Variants in VAMP7 observed in about 807,000 individuals in gnomAD.
The protein encoded by VAMP7 is vesicle-associated membrane protein 7.
A neutral mutation model predicts 29.6 loss-of-function variants in VAMP7; 14 were observed. The observed-to-expected ratio is 0.47, with a 90% CI of 0.31 to 0.74. The LOEUF (loss-of-function observed/expected upper bound fraction) is 0.74. VAMP7 is among the 30% of genes least tolerant of loss of function. The pLI, the probability that VAMP7 is intolerant of heterozygous loss-of-function variation, is 0.05. For synonymous variants in VAMP7, 95 were observed against 88.1 expected (o/e 1.08, Z -0.44); for missense variants, 223 against 262.4 (o/e 0.85, Z 1.04).
In VAMP7 at chrX:155,889,555, A is replaced by G; in HGVS notation, c.89A>G (p.Glu30Gly). 1 of 1,613,954 alleles carries G rather than the reference A, an allele frequency of 6.2e-7. No homozygotes were observed. Among genetic ancestry groups the G allele is most frequent in the Non-Finnish European group, 8.5e-7 (1 of 1,179,868 alleles). Residue 30 changes from glutamate (E) to glycine (G), a missense_variant, in exon 2 of 8, where the codon GAG becomes GGG. Transcript: ENST00000286448. ...WCGGNFLEVT[E>G]QILAKIPSEN... ...GGAGGAAACTTCCTGGAGGTGACAG[A>G]GCAGATTCTGGCTAAGATACCTTCT...
chrX:155,892,132 G>A (rs1479374809), intron 2 of VAMP7, among the ~76,000 whole-genome samples: 2 of 152,076 alleles, frequency 1.3e-5, no homozygotes, highest in Admixed American at 6.6e-5. Flanking sequence ...AGTAGAAGGA[G>A]ATGTTATCTG....
chrX:155,929,462 G>T (rs1279658706), intron 6 of VAMP7, among the ~76,000 whole-genome samples: 2 of 152,164 alleles, frequency 1.3e-5, no homozygotes, highest in African/African-American at 4.8e-5. Context: ...CCTGGGCATT[G>T]TGTGGGGGGT....
chrX:155,924,688 C>G (rs1270732494), intron 6 of VAMP7, among the ~76,000 whole-genome samples: 1 of 152,168 alleles, frequency 6.6e-6, no homozygotes, highest in Non-Finnish European at 1.5e-5. Context: ...TGGCTACTGA[C>G]TGATCGATCA....
At chrX:155,930,567 T>C (rs1448803598) in intron 6 of VAMP7, among the ~76,000 whole-genome samples, 1 of 151,678 alleles carries the variant, frequency 6.6e-6, no homozygotes, top group Non-Finnish European at 1.5e-5. Context: ...GGAGAATTGC[T>C]TGAACCCAGG....
intron 6 of VAMP7, among the ~76,000 whole-genome samples, chrX:155,930,876 A>G (rs1015071773): frequency 1.3e-4 from 20 of 151,672 alleles, no homozygotes; most frequent in Non-Finnish European, 2.4e-4. Context: ...CCACCCCACA[A>G]CAGGCCCCGG....
At chrX:155,903,540 G>T (rs2066100214) in intron 5 of VAMP7, among the ~76,000 whole-genome samples, 1 of 151,886 alleles carries the variant, frequency 6.6e-6, no homozygotes, top group African/African-American at 2.4e-5. Flanking sequence ...CAAAAAGTGG[G>T]CGAAGGACAT....
intron 6 of VAMP7, among the ~76,000 whole-genome samples, chrX:155,921,694 A>T (rs1250047035): frequency 6.6e-6 from 1 of 151,996 alleles, no homozygotes; most frequent in African/African-American, 2.4e-5. Flanking sequence ...CCAGTACCAC[A>T]CTGTGTTGAT....
intron 3 of VAMP7, among the ~76,000 whole-genome samples, chrX:155,896,014 A>C (rs2065982684): frequency 6.6e-6 from 1 of 151,950 alleles, no homozygotes; most frequent in African/African-American, 2.4e-5. Context: ...GAAACCATTC[A>C]CCCTCCCCCA....
intron 6 of VAMP7, among the ~76,000 whole-genome samples, chrX:155,921,860 G>A (rs1225282308): frequency 2.0e-5 from 3 of 151,930 alleles, no homozygotes; most frequent in African/African-American, 7.2e-5. Context: ...ACAACAATGT[G>A]TATCTTTGTG....
chrX:155,925,183 A>G (rs1324670887), intron 6 of VAMP7, among the ~76,000 whole-genome samples: 3 of 152,166 alleles, frequency 2.0e-5, no homozygotes, highest in Non-Finnish European at 4.4e-5. Flanking sequence ...AGTTTCTTCC[A>G]AACACCTGTT....
At chrX:155,893,376 G>A (rs1433447877) in intron 2 of VAMP7, among the ~76,000 whole-genome samples, 1 of 152,130 alleles carries the variant, frequency 6.6e-6, no homozygotes, top group Non-Finnish European at 1.5e-5. Flanking sequence ...AACAAAACAT[G>A]AGAGTGCATG....
chrX:155,924,572 T>C (rs1285691477), intron 6 of VAMP7, among the ~76,000 whole-genome samples: 2 of 152,180 alleles, frequency 1.3e-5, no homozygotes, highest in African/African-American at 2.4e-5. Context: ...CTGGCTTATT[T>C]CACTAAGCAT....
intron 6 of VAMP7, among the ~76,000 whole-genome samples, chrX:155,935,247 G>T (rs1362769007): frequency 1.3e-5 from 2 of 152,034 alleles, no homozygotes; most frequent in South Asian, 2.1e-4. Flanking sequence ...ATGTTGGCCT[G>T]CCTTGCTAGG....
chrX:155,931,384 C>T (rs1372364579), intron 6 of VAMP7, among the ~76,000 whole-genome samples: 1 of 152,134 alleles, frequency 6.6e-6, no homozygotes, highest in Non-Finnish European at 1.5e-5. Flanking sequence ...TGTTTCCTGA[C>T]TTTTTAATGA....
chrX:155,918,762 G>A (rs1321207708), intron 5 of VAMP7, among the ~76,000 whole-genome samples: 2 of 152,116 alleles, frequency 1.3e-5, no homozygotes, highest in Non-Finnish European at 2.9e-5. Flanking sequence ...CGGTCATCTT[G>A]CCAACCACCC....
At chrX:155,900,203 A>G (rs960800849) in intron 4 of VAMP7, among the ~76,000 whole-genome samples, 3 of 151,450 alleles carry the variant, frequency 2.0e-5, no homozygotes, top group Non-Finnish European at 4.4e-5. Flanking sequence ...TATCCCCCCC[A>G]ATCTCTGCCC....
chrX:155,900,962 G>C (rs1414125818), intron 5 of VAMP7, among the ~76,000 whole-genome samples: 1 of 152,052 alleles, frequency 6.6e-6, no homozygotes. Flanking sequence ...TTAGAGTGCT[G>C]TTTTGCAACC....
At chrX:155,925,118 TACTC>T (rs1224966080) in intron 6 of VAMP7, among the ~76,000 whole-genome samples, 7 of 152,192 alleles carry the variant, frequency 4.6e-5, no homozygotes, top group African/African-American at 1.4e-4. Context: ...CATCTGCAGT[TACTC>T]ACTCCACTGA....
rs374422359 is a variant in VAMP7, at chrX:155,927,899, TTTGTTG to T, written c.501+8037_501+8042del. Among the ~76,000 whole-genome samples, 1,002 of 151,668 alleles carry T rather than the reference TTTGTTG, an allele frequency of 6.6e-3. 3 individuals carry two copies. The highest frequency in any genetic ancestry group is 8.6e-3 in the Non-Finnish European group (584 of 67,874). On this transcript the variant is annotated intron_variant, in intron 6 of 7. Transcript: ENST00000286448. ...AATGATTCTTACCCCACCTTTGGCT[TTTGTTG>T]TTGTTGTTGTTGTTGTTTGTTTTGT...
Sources: gnomAD v4.1 joint callset for allele counts (sites outside exome capture counted in the v4.1 genomes callset) on GRCh38, gnomAD v4.1.1 for gene constraint, MANE v1.5 for transcripts, NCBI Gene and HGNC (gene_info 2026-07-23, HGNC 2026-07-21) for gene names.